CTNNA3: variants seen among roughly 807,000 people sequenced by gnomAD.
CTNNA3 encodes the protein catenin alpha-3.
A neutral mutation model predicts 95.7 loss-of-function variants in CTNNA3; 76 were observed. The ratio of observed to expected loss-of-function variants is 0.79; its 90% CI spans 0.66 to 0.96. The LOEUF is 0.96. Ranked by LOEUF, CTNNA3 falls within the 40% of genes least tolerant of loss-of-function variation. The pLI, the probability that CTNNA3 is intolerant of heterozygous loss-of-function variation, is 0.00. For missense variants in CTNNA3, 1,191 were observed against 1,089.8 expected (o/e 1.09, Z -1.31); for synonymous variants, 431 against 374.4 (o/e 1.15, Z -1.74).
intron 11 of CTNNA3, among the ~76,000 whole-genome samples, chr10:66,487,877 CT>C (rs1438274885): frequency 2.0e-5 from 3 of 152,108 alleles, no homozygotes; most frequent in Admixed American, 2.0e-4. Flanking sequence ...CTTTAAAAAG[CT>C]TGGTGGCTGT....
intron 7 of CTNNA3, among the ~76,000 whole-genome samples, chr10:67,033,915 G>C (rs982376882): frequency 6.6e-6 from 1 of 152,062 alleles, no homozygotes; most frequent in Non-Finnish European, 1.5e-5. Flanking sequence ...GGGATTACAG[G>C]CTTGCGCTAC....
At chr10:66,503,913 T>G (rs551047257) in intron 11 of CTNNA3, among the ~76,000 whole-genome samples, 1 of 152,270 alleles carries the variant, frequency 6.6e-6, no homozygotes, top group Admixed American at 6.5e-5. Flanking sequence ...TCTTTTAAAA[T>G]TATTTCTTTT....
At chr10:66,525,444 T>C (rs1015533912) in intron 10 of CTNNA3, among the ~76,000 whole-genome samples, 5 of 152,154 alleles carry the variant, frequency 3.3e-5, no homozygotes, top group Non-Finnish European at 5.9e-5. Context: ...GGTTACCAAG[T>C]TATTAAGGAG....
intron 3 of CTNNA3, among the ~76,000 whole-genome samples, chr10:67,562,619 G>C (rs1377035432): frequency 6.6e-6 from 1 of 152,170 alleles, no homozygotes; most frequent in Non-Finnish European, 1.5e-5. Flanking sequence ...ATTCAACATA[G>C]TGTTGGAAGT....
intron 5 of CTNNA3, among the ~76,000 whole-genome samples, chr10:67,493,297 T>C (rs1838915572): frequency 6.6e-6 from 1 of 151,920 alleles, no homozygotes; most frequent in Admixed American, 6.6e-5. Context: ...ACACGGCGGC[T>C]CACCCCTGTA....
At chr10:66,970,054 G>C (rs1849633360) in intron 7 of CTNNA3, among the ~76,000 whole-genome samples, 1 of 152,112 alleles carries the variant, frequency 6.6e-6, no homozygotes, top group Non-Finnish European at 1.5e-5. Context: ...TAGGTTTAAT[G>C]CGTGGCACCT....
chr10:67,075,317 T>C (rs1422444478), intron 7 of CTNNA3, among the ~76,000 whole-genome samples: 1 of 152,148 alleles, frequency 6.6e-6, no homozygotes, highest in African/African-American at 2.4e-5. Context: ...ATGGTTACAT[T>C]TAAAACTGTA....
intron 3 of CTNNA3, among the ~76,000 whole-genome samples, chr10:67,547,686 C>A (rs763727592): frequency 1.2e-4 from 19 of 152,124 alleles, no homozygotes; most frequent in Non-Finnish European, 2.5e-4. Flanking sequence ...ACTGTACATA[C>A]TGAAAGTACA....
At chr10:66,055,641 C>T (rs1056694429) in intron 15 of CTNNA3, among the ~76,000 whole-genome samples, 2 of 151,896 alleles carry the variant, frequency 1.3e-5, no homozygotes, top group Admixed American at 6.6e-5. Flanking sequence ...GATAAAAAAT[C>T]GGCCGGGCGT....
chr10:66,002,091 G>A (rs181686137), intron 15 of CTNNA3, among the ~76,000 whole-genome samples: 13 of 152,166 alleles, frequency 8.5e-5, no homozygotes, highest in Admixed American at 5.2e-4. Flanking sequence ...TACAAGAGTA[G>A]GGGAATTCTA....
chr10:67,036,339 G>A lies in CTNNA3; in HGVS notation c.1047+143978C>T, dbSNP rs753208751. ...GGCTGGAGTGCAGTGGCGCGATCTC[G>A]GCTCACTGCAATCTCTCCCTTCAGT... is the stretch of plus-strand genomic sequence containing the variant. On this transcript the variant is annotated intron_variant, in intron 7 of 17. Coordinates refer to ENST00000433211, the MANE Select transcript of CTNNA3 (RefSeq NM_013266.4). Among the ~76,000 whole-genome samples the A allele has an allele frequency of 5.3e-5, 8 of 150,960 alleles. 1 individual carries two copies. Among genetic ancestry groups the A allele is most frequent in the African/African-American group, 1.7e-4 (7 of 41,010 alleles).
At chr10:66,588,700 G>A (rs1318727526) in intron 10 of CTNNA3, among the ~76,000 whole-genome samples, 1 of 152,024 alleles carries the variant, frequency 6.6e-6, no homozygotes, top group Non-Finnish European at 1.5e-5. Flanking sequence ...CAGACACGAA[G>A]AAAAGGAAGA....
chr10:66,590,334 C>T (rs1843507033), intron 10 of CTNNA3, among the ~76,000 whole-genome samples: 1 of 152,012 alleles, frequency 6.6e-6, no homozygotes, highest in African/African-American at 2.4e-5. Context: ...GACTGGAAGC[C>T]CACTGCTCTT....
chr10:67,235,903 T>A (rs1343299189), intron 5 of CTNNA3, among the ~76,000 whole-genome samples: 1 of 143,882 alleles, frequency 7.0e-6, no homozygotes, highest in Admixed American at 6.8e-5. Context: ...AAAAAACACA[T>A]GAAAAAATGC....
At chr10:67,751,333 C>A in intron 1 of CTNNA3, 1 of 736,590 alleles carries the variant, frequency 1.4e-6, no homozygotes, top group Non-Finnish European at 2.4e-6. Context: ...TCTGAGATCA[C>A]AGTGACTTCG....
chr10:67,570,615 T>G (rs1589438765), intron 3 of CTNNA3, among the ~76,000 whole-genome samples: 1 of 152,196 alleles, frequency 6.6e-6, no homozygotes, highest in Non-Finnish European at 1.5e-5. Flanking sequence ...TCCACCTGGC[T>G]GTTTTGGTAT....
intron 11 of CTNNA3, among the ~76,000 whole-genome samples, chr10:66,447,617 G>A (rs1218265212): frequency 1.3e-5 from 2 of 152,142 alleles, no homozygotes; most frequent in Admixed American, 6.5e-5. Flanking sequence ...AAACTGGCTA[G>A]CGATATGTAG....
At chr10:67,326,009 C>T (rs1022171784) in intron 5 of CTNNA3, among the ~76,000 whole-genome samples, 1 of 151,992 alleles carries the variant, frequency 6.6e-6, no homozygotes, top group Non-Finnish European at 1.5e-5. Context: ...TCTTTGTTGG[C>T]TGGCTTAACA....
chr10:66,418,662 C>T lies in CTNNA3; in HGVS notation c.1532-39310G>A, dbSNP rs148536422. On this transcript the variant is annotated intron_variant, in intron 11 of 17. Coordinates refer to ENST00000433211, the MANE Select transcript of CTNNA3 (RefSeq NM_013266.4). ...TTCAAGCAAACTGAATTTAACAGCA[C>T]ATCAAAAAAATAATACCCAATGATC... Among the ~76,000 whole-genome samples the T allele has an allele frequency of 3.3e-3, 501 of 151,496 alleles. 1 individual carries two copies. The highest frequency in any genetic ancestry group is 0.012 in the African/African-American group (480 of 41,280).
Sources: gnomAD v4.1 joint callset for allele counts (sites outside exome capture counted in the v4.1 genomes callset) on GRCh38, gnomAD v4.1.1 for gene constraint, MANE v1.5 for transcripts, NCBI Gene and HGNC (gene_info 2026-07-23, HGNC 2026-07-21) for gene names.